PAN2: variants seen among roughly 807,000 people sequenced by gnomAD.
PAN2 encodes the protein PAN2-PAN3 deadenylation complex catalytic subunit PAN2.
A neutral mutation model predicts 133.3 loss-of-function variants in PAN2; 68 were observed. The ratio of observed to expected loss-of-function variants is 0.51; its 90% CI spans 0.42 to 0.62. The LOEUF (loss-of-function observed/expected upper bound fraction) is 0.62, where lower values mean the gene tolerates loss of function less well. PAN2 is among the 20% of genes least tolerant of loss of function. PAN2 has a pLI of 0.00. For synonymous variants in PAN2, 462 were observed against 544.6 expected (o/e 0.85, Z 2.11); for missense variants, 1,042 against 1,500.5 (o/e 0.69, Z 5.05).
Position 56,324,441 on chromosome 12 carries a change from C to T in PAN2, c.1781G>A (p.Gly594Asp), listed in dbSNP as rs1404763144. The T allele has an allele frequency of 1.2e-6, 2 of 1,614,140 alleles. No homozygotes were observed. The highest frequency in any genetic ancestry group is 1.7e-6 in the Non-Finnish European group (2 of 1,180,010). Residue 594 changes from glycine to aspartate, a missense_variant, in exon 12 of 26, where the codon GGT becomes GAT. By Grantham distance (94) the Gly-to-Asp change is moderately conservative. This residue lies in a region of PAN2 where 908 missense variants were observed against 1,223.5 expected (regional missense o/e 0.74). Transcript: ENST00000440411. The part of the protein sequence containing the change: ...FRTIPEASAL[G>D]LILADSDEAS... ...CTCATCTGAGTCAGCCAGGATTAGA[C>T]CGAGGGCTGAGGCCTCAGGAATAGT...
chr12:56,321,672 A>G (rs894237756), intron 20 of PAN2, among the ~76,000 whole-genome samples: 2 of 149,142 alleles, frequency 1.3e-5, no homozygotes, highest in African/African-American at 2.5e-5. Context: ...AACATGGTGA[A>G]ACCCTGTCTC....
rs367884124 is a variant in PAN2 at position 56,325,325 on chromosome 12, C to A, written c.1479+10G>T. The A allele has an allele frequency of 1.7e-4, 267 of 1,613,882 alleles. 3 individuals carry two copies. In the Middle Eastern group the frequency reaches 2.1e-3, roughly 13 times the overall value. On this transcript the variant is annotated intron_variant, in intron 9 of 25. Coordinates refer to ENST00000440411, the MANE Select transcript of PAN2 (RefSeq NM_014871.6). ...CCCCACATCCCACAGGCCCTGATGT[C>A]CCCCAGCACCTTGCGGTATTTCTTA... is the stretch of plus-strand genomic sequence containing the variant.
intron 17 of PAN2, 92 bp downstream of exon 17, chr12:56,322,970 C>T: frequency 6.7e-7 from 1 of 1,498,074 alleles, no homozygotes; most frequent in South Asian, 1.1e-5. Context: ...TTCCTTTTCC[C>T]TCTGCTAAGT....
At chr12:56,321,663 A>G (rs374109414) in intron 20 of PAN2, among the ~76,000 whole-genome samples, 13 of 149,448 alleles carry the variant, frequency 8.7e-5, no homozygotes, top group African/African-American at 2.9e-4. Context: ...AGCCTGACCA[A>G]CATGGTGAAA....
chr12:56,326,522 A>T, intron 7 of PAN2, 95 bp downstream of exon 7: 2 of 1,505,138 alleles, frequency 1.3e-6, no homozygotes, highest in Non-Finnish European at 1.8e-6. Flanking sequence ...AAAAATCAGG[A>T]AAGTAGTAGA....
At chr12:56,318,629 G>T in intron 24 of PAN2, 195 bp from the exon 25 acceptor site, 1 of 577,694 alleles carries the variant, frequency 1.7e-6, no homozygotes, top group Non-Finnish European at 3.1e-6. Flanking sequence ...CTAACTGAGG[G>T]TCTCCCCTAC....
chr12:56,323,014 C>T, intron 17 of PAN2, 48 bp downstream of exon 17: 1 of 1,609,444 alleles, frequency 6.2e-7, no homozygotes, highest in Non-Finnish European at 8.5e-7. Context: ...ACCTTCTGCC[C>T]CACCTTCTCT....
chr12:56,325,150 C>T, intron 9 of PAN2, 22 bp from the exon 10 acceptor site: 1 of 1,611,260 alleles, frequency 6.2e-7, no homozygotes, highest in Non-Finnish European at 8.5e-7. Context: ...ATTGTCTGAG[C>T]AAGACAAGGA....
Position 56,324,652 on chromosome 12 carries a change from C to A in PAN2, c.1657G>T (p.Glu553Ter), listed in dbSNP as rs149754671. 4 of 1,614,032 alleles carry A rather than the reference C, an allele frequency of 2.5e-6. No homozygotes were observed. The highest frequency in any genetic ancestry group is 2.5e-6 in the Non-Finnish European group (3 of 1,180,034). ...CCCAGCTCACATGCCAGACAGAACT[C>A]CTTCTGGCAAAGGTGGTTTTGAATT... ...CLIQNHLCQK[E>*]FCLACELGFL... Residue 553 changes from glutamate to a stop codon, truncating the protein, a stop_gained, in exon 11 of 26, where the codon GAG becomes TAG. Transcript: ENST00000440411. LOFTEE classifies it high-confidence loss of function.
chr12:56,320,632 G>A (rs918730114), intron 20 of PAN2, among the ~76,000 whole-genome samples: 5 of 150,962 alleles, frequency 3.3e-5, no homozygotes, highest in African/African-American at 4.9e-5. Flanking sequence ...CAACAAGAGC[G>A]AAACTCTGTC....
In PAN2 at chr12:56,323,568, C is replaced by A; in HGVS notation, c.2203G>T (p.Asp735Tyr). 3.1e-6 allele frequency: 5 copies of A among 1,614,186 alleles called. No individual in the cohort carries two copies. The highest frequency in any genetic ancestry group is 4.2e-6 in the Non-Finnish European group (5 of 1,180,024). The part of the protein sequence containing the change: ...IQTRNIRHLP[D>Y]ILVINCEVNS... ...ACCTCACAATTGATGACAAGAATAT[C>A]TGGCAGATGGCGGATGTTGCGGGTC... The change falls in exon 15 of 26, where the codon GAT becomes TAT. Residue 735 changes from aspartate to tyrosine, a missense_variant. By Grantham distance (160) the Asp-to-Tyr change is radical (BLOSUM62 -3). This residue lies in a region of PAN2 where 908 missense variants were observed against 1,223.5 expected (regional missense o/e 0.74). Transcript: ENST00000440411.
chr12:56,322,281 T>G, intron 19 of PAN2, 113 bp from the exon 20 acceptor site: 1 of 1,037,144 alleles, frequency 9.6e-7, no homozygotes, highest in South Asian at 1.4e-5. Context: ...TCAGGTGCTA[T>G]TTTTAAGTGC....
chr12:56,324,937 G>T, intron 10 of PAN2, 72 bp downstream of exon 10: 1 of 1,559,400 alleles, frequency 6.4e-7, no homozygotes, highest in Non-Finnish European at 8.7e-7. Context: ...CCTGGAAAGA[G>T]CAGGGTCGAG....
At chr12:56,325,689 T>C (rs1875040359) in intron 8 of PAN2, among the ~76,000 whole-genome samples, 1 of 152,226 alleles carries the variant, frequency 6.6e-6, no homozygotes, top group Non-Finnish European at 1.5e-5. Flanking sequence ...AGCACACCAC[T>C]ACCAAATTAA....
Position 56,324,627 on chromosome 12 carries a change from C to T in PAN2, c.1682G>A (p.Gly561Asp). Reference sequence around the variant, plus strand: ...GAGGTCCAACATGTGAAACAGGAAGCCCAGCTCACATGCCAGACAGAACTC... The same window carrying T: ...GAGGTCCAACATGTGAAACAGGAAGTCCAGCTCACATGCCAGACAGAACTC... ...QKEFCLACEL[G>D]FLFHMLDLSR... Residue 561 changes from glycine (G) to aspartate (D), a missense_variant, in exon 11 of 26, where the codon GGC (glycine) becomes GAC (aspartate). Physicochemically the swap from Gly to Asp is moderately conservative, Grantham distance 94 (BLOSUM62 -1). This residue lies in a region of PAN2 where 908 missense variants were observed against 1,223.5 expected (regional missense o/e 0.74). Transcript: ENST00000440411. 6.2e-7 allele frequency: 1 copy of T among 1,614,168 alleles called. No homozygotes were observed. The highest frequency in any genetic ancestry group is 8.5e-7 in the Non-Finnish European group (1 of 1,180,026).
chr12:56,321,270 C>A (rs1874499812), intron 20 of PAN2, among the ~76,000 whole-genome samples: 1 of 149,598 alleles, frequency 6.7e-6, no homozygotes, highest in Non-Finnish European at 1.5e-5. Context: ...CTCTCGTCAC[C>A]CAGGCTGGAG....
chr12:56,328,515 GGTT>G lies in PAN2; in HGVS notation c.406_408del (p.Asn136del). The G allele has an allele frequency of 6.2e-7, 1 of 1,614,242 alleles. No homozygotes were observed. Among genetic ancestry groups the G allele is most frequent in the Non-Finnish European group, 8.5e-7 (1 of 1,180,030 alleles). On this transcript the variant is annotated inframe_deletion, in exon 3 of 26. Transcript: ENST00000440411. ...AGGCCCCCACGGGCCATATACTTGAGGTTGTTCTTGGTGAGAAAAAGGATACCA... is the reference window on the plus strand; with the variant it reads ...AGGCCCCCACGGGCCATATACTTGAGGTTCTTGGTGAGAAAAAGGATACCA...
At position 56,322,608 on chromosome 12, in the gene PAN2, C is replaced by T; in HGVS notation, c.2637+7G>A. 4 of 1,614,088 alleles carry T rather than the reference C, an allele frequency of 2.5e-6. No homozygotes were observed. The highest frequency in any genetic ancestry group is 3.4e-6 in the Non-Finnish European group (4 of 1,179,940). On this transcript the variant is annotated splice_region_variant and intron_variant, in intron 18 of 25. Coordinates refer to ENST00000440411, the MANE Select transcript of PAN2 (RefSeq NM_014871.6). ...GGAGTGTTCCTGCCCTCTACAACCT[C>T]ACTCACCTCCTTGCGCTGGTGGTAG... is the stretch of plus-strand genomic sequence containing the variant.
rs189216033 is a variant in PAN2, at chr12:56,332,963, C to T, written c.132G>A (p.Val44=). The T allele has an allele frequency of 1.6e-5, 26 of 1,614,176 alleles. No individual in the cohort carries two copies. In the East Asian group the frequency reaches 5.6e-4, roughly 35 times the overall value. ...CCTGGACGGGAAGAGCCTCCAAGGC[C>T]ACTCCCTCTGGGTCCAGCTCCACAT... The part of the protein sequence containing the change: ...LQNVELDPEG[V]ALEALPVQES... The change falls in exon 2 of 26, where the codon GTG becomes GTA. Residue 44 remains valine, a synonymous_variant. Coordinates refer to ENST00000440411, the MANE Select transcript of PAN2 (RefSeq NM_014871.6).
Sources: gnomAD v4.1 joint callset for allele counts (sites outside exome capture counted in the v4.1 genomes callset) on GRCh38, gnomAD v4.1.1 for gene constraint, gnomAD v4.1.1 regional missense constraint, MANE v1.5 for transcripts, NCBI Gene and HGNC (gene_info 2026-07-23, HGNC 2026-07-21) for gene names.